SCAND1: variants seen among roughly 807,000 people sequenced by gnomAD.
SCAND1 encodes the protein SCAN domain containing 1.
A neutral mutation model predicts 3.4 loss-of-function variants in SCAND1; 3 were observed. The observed-to-expected ratio is 0.87, with a 90% CI of 0.40 to 2.25. SCAND1 has a LOEUF of 2.25. SCAND1 is among the 30% of genes most tolerant of loss of function. The probability of loss-of-function intolerance (pLI) is 0.05; values close to 1 mark genes in which losing one functional copy is unlikely to be tolerated. For missense variants in SCAND1, 303 were observed against 258.8 expected, an observed-to-expected ratio of 1.17 and a Z score of -1.17; for synonymous variants, 152 against 120.5, an observed-to-expected ratio of 1.26 and a Z score of -1.72.
Position 35,953,673 on chromosome 20 carries a change from C to T in SCAND1, c.*72G>A, listed in dbSNP as rs1476874164. 5 of 1,034,418 alleles carry T rather than the reference C, an allele frequency of 4.8e-6. No homozygotes were observed. The highest frequency in any genetic ancestry group is 6.5e-6 in the Non-Finnish European group (5 of 769,606). 64.1% of individuals were successfully genotyped at this position (1,034,418 alleles called of 1,614,324 possible). On this transcript the variant is annotated 3_prime_UTR_variant, in exon 2 of 2. Coordinates refer to ENST00000305978, the MANE Select transcript of SCAND1 (RefSeq NM_033630.3). ...TTAACACGGGGTGGGGTCCCAGGCT[C>T]AGGCCCCCGGGCCCGATCATGGCCC... is the stretch of plus-strand genomic sequence containing the variant.
In SCAND1 at chr20:35,954,482, G is replaced by T. The variant is rs35562811; in HGVS notation, c.-90C>A. The T allele has an allele frequency of 6.5e-7, 1 of 1,545,766 alleles. No individual in the cohort carries two copies. Among genetic ancestry groups the T allele is most frequent in the African/African-American group, 1.4e-5 (1 of 73,010 alleles). ...CGAAGCGCCTGCGGCAGCCGGAAGC[G>T]AAAGTCTCTGGCTTCTCTGCGTCCA... On this transcript the variant is annotated 5_prime_UTR_variant, in exon 1 of 2. Transcript: ENST00000305978.
chr20:35,954,805 T>C (rs1289968635), upstream of SCAND1: 1 of 352,618 alleles, frequency 2.8e-6, no homozygotes, highest in African/African-American at 2.2e-5. Context: ...GAGCTGTAGC[T>C]CTGATGGCCC....
upstream of SCAND1, among the ~76,000 whole-genome samples, chr20:35,958,549 C>T (rs1038089691): frequency 1.3e-5 from 2 of 152,188 alleles, no homozygotes; most frequent in Non-Finnish European, 2.9e-5. Flanking sequence ...TAACATCTTG[C>T]ATAACTATAG....
At chr20:35,955,423 A>G (rs2056245384), upstream of SCAND1, 1 of 152,232 alleles carries the variant, frequency 6.6e-6, no homozygotes, top group Non-Finnish European at 1.5e-5. Context: ...TTGCATGTGC[A>G]GTTTACATTA....
upstream of SCAND1, among the ~76,000 whole-genome samples, chr20:35,956,990 C>A (rs6141579): frequency 6.6e-6 from 1 of 152,154 alleles, no homozygotes; most frequent in Non-Finnish European, 1.5e-5. Context: ...CATAAATGTC[C>A]TAGAATTCCA....
At position 35,954,152 on chromosome 20, in the gene SCAND1, G is replaced by C; in HGVS notation, c.133C>G (p.Pro45Ala). 6.3e-7 allele frequency: 1 copy of C among 1,590,848 alleles called. No individual in the cohort carries two copies. Residue 45 changes from proline (P) to alanine (A), a missense_variant, in exon 2 of 2, where the codon CCG becomes GCG. By Grantham distance (27) the Pro-to-Ala change is conservative. Transcript: ENST00000305978. The stretch of plus-strand genomic sequence containing the variant: ...GGACTGGAAGGCTCAGGGGCAGGCG[G>C]TGAGGCCTCTGGCAGCGAGGAGCCC... ...CVGSSLPEAS[P>A]PAPEPSSPNA...
At chr20:35,958,090 T>TA (rs1191060391), upstream of SCAND1, among the ~76,000 whole-genome samples, 1 of 152,234 alleles carries the variant, frequency 6.6e-6, no homozygotes, top group Non-Finnish European at 1.5e-5. Context: ...CTTGGATACT[T>TA]ATTTTCTTTT....
chr20:35,954,567 G>A (rs2056229451), upstream of SCAND1: 2 of 1,470,550 alleles, frequency 1.4e-6, no homozygotes, highest in Non-Finnish European at 1.8e-6. Flanking sequence ...GCCCTCTAGC[G>A]TTCTCGAGTC....
Position 35,953,782 on chromosome 20 carries a change from C to A in SCAND1, c.503G>T (p.Arg168Leu). The A allele has an allele frequency of 6.7e-7, 1 of 1,499,218 alleles. No individual in the cohort carries two copies. Among genetic ancestry groups the A allele is most frequent in the Admixed American group, 2.1e-5 (1 of 47,226 alleles). The allele number at this position is 1,499,218 out of a possible 1,614,324, so 92.9% of individuals were successfully genotyped here. A position where few individuals can be genotyped will look rare whatever the true frequency, so the allele number is the denominator to read the frequency against. The change falls in exon 2 of 2, where the codon CGG becomes CTG. Residue 168 changes from arginine to leucine, a missense_variant. Physicochemically the swap from Arg to Leu is moderately radical, Grantham distance 102. Transcript: ENST00000305978. The part of the protein sequence containing the change: ...AILPEAARAR[R>L]IRRRTDVRIT... The stretch of plus-strand genomic sequence containing the variant: ...GCGCACATCCGTGCGGCGGCGGATC[C>A]GCCGGGCCCGAGCCGCCTCGGGCAG...
At chr20:35,957,480 T>C (rs556712630), upstream of SCAND1, among the ~76,000 whole-genome samples, 1 of 152,210 alleles carries the variant, frequency 6.6e-6, no homozygotes, top group South Asian at 2.1e-4. Context: ...CTCAGCACTT[T>C]AGAAGGCTTG....
chr20:35,959,377 G>A (rs1409987633), upstream of SCAND1: 1 of 152,160 alleles, frequency 6.6e-6, no homozygotes, highest in Non-Finnish European at 1.5e-5. Context: ...CCCAAGACTG[G>A]GTAATTTATA....
upstream of SCAND1, among the ~76,000 whole-genome samples, chr20:35,957,315 G>A (rs1419800409): frequency 6.6e-6 from 1 of 152,204 alleles, no homozygotes; most frequent in East Asian, 1.9e-4. Context: ...GGCCGGGCGC[G>A]GTGGCTCATG....
upstream of SCAND1, chr20:35,955,238 A>G (rs1057388055): frequency 1.3e-5 from 2 of 154,202 alleles, no homozygotes; most frequent in South Asian, 2.1e-4. Flanking sequence ...GAGATGTGCT[A>G]TATTGTAAAA....
In SCAND1 at chr20:35,954,298, G is replaced by T; in HGVS notation, c.-14C>A. On this transcript the variant is annotated 5_prime_UTR_variant, in exon 2 of 2. Coordinates refer to ENST00000305978, the MANE Select transcript of SCAND1 (RefSeq NM_033630.3). ...CGTAGCCGCCATAACTCCAGCTCCG[G>T]GCGTCACTCTTTGTCCGGTAGCTGT... 6.2e-7 allele frequency: 1 copy of T among 1,613,560 alleles called. No individual in the cohort carries two copies. The highest frequency in any genetic ancestry group is 1.1e-5 in the South Asian group (1 of 91,028).
chr20:35,957,631 A>T (rs561849425), upstream of SCAND1: 3 of 152,344 alleles, frequency 2.0e-5, no homozygotes, highest in African/African-American at 7.2e-5. Flanking sequence ...ATCTACTTTC[A>T]TGTAATTTAC....
Position 35,954,276 on chromosome 20 carries a change from A to G in SCAND1, c.9T>C (p.Ala3=), listed in dbSNP as rs756854380. 4 of 1,612,142 alleles carry G rather than the reference A, an allele frequency of 2.5e-6. No individual in the cohort carries two copies. Among genetic ancestry groups the G allele is most frequent in the Non-Finnish European group, 2.5e-6 (3 of 1,179,718 alleles). ...CAGTGGCCGCCAAGATCGGCTCCGT[A>G]GCCGCCATAACTCCAGCTCCGGGCG... MA[A]TEPILAATGS... The change falls in exon 2 of 2, where the codon GCT becomes GCC. Residue 3 remains alanine, a synonymous_variant. Transcript: ENST00000305978.
chr20:35,954,401 C>T (rs2147153313), intron 1 of SCAND1, 47 bp downstream of exon 1: 1 of 1,558,502 alleles, frequency 6.4e-7, no homozygotes, highest in Non-Finnish European at 8.7e-7. Context: ...TCGCGTCACC[C>T]TTGAGGGAGT....
upstream of SCAND1, among the ~76,000 whole-genome samples, chr20:35,955,705 C>T (rs148439098): frequency 1.7e-4 from 26 of 152,240 alleles, no homozygotes; most frequent in Non-Finnish European, 3.5e-4. Context: ...GGTAAAAGCA[C>T]GTGGCCCTGA....
chr20:35,954,789 C>T (rs1414662080), upstream of SCAND1: 12 of 395,554 alleles, frequency 3.0e-5, no homozygotes, highest in Non-Finnish European at 5.3e-5. Context: ...TCTGATTGAC[C>T]CTGATGAGCT....
Sources: gnomAD v4.1 joint callset for allele counts (sites outside exome capture counted in the v4.1 genomes callset) on GRCh38, gnomAD v4.1.1 for gene constraint, MANE v1.5 for transcripts, NCBI Gene and HGNC (gene_info 2026-07-23, HGNC 2026-07-21) for gene names.